The following ZNF518A variants were observed in gnomAD, a reference collection of about 807,000 sequenced individuals.
ZNF518A encodes the protein zinc finger protein 518A.
In ZNF518A, 47 loss-of-function variants were observed where a neutral mutation model predicts 102.7. That is an observed-to-expected ratio of 0.46 (90% confidence interval 0.36 to 0.58). The LOEUF is 0.58. ZNF518A is among the 20% of genes least tolerant of loss of function. The pLI, the probability that ZNF518A is intolerant of heterozygous loss-of-function variation, is 0.00. For missense variants in ZNF518A, 1,793 were observed against 1,699.8 expected (o/e 1.05, Z -0.96); for synonymous variants, 652 against 594.6 (o/e 1.10, Z -1.40).
chr10:96,195,417 C>CA (rs1554894459), intron 1 of ZNF518A, among the ~76,000 whole-genome samples: 1 of 152,156 alleles, frequency 6.6e-6, no homozygotes, highest in African/African-American at 2.4e-5. Context: ...CACAAATGTC[C>CA]ACTGATGGAT....
chr10:96,156,108 A>G (rs1554882159), intron 5 of ZNF518A, 61 bp downstream of exon 5: 2 of 340,254 alleles, frequency 5.9e-6, no homozygotes, highest in East Asian at 4.8e-5. Flanking sequence ...TTTTTGATTA[A>G]CATTCCTACT....
chr10:96,189,584 T>C, intron 1 of ZNF518A: 1 of 684,030 alleles, frequency 1.5e-6, no homozygotes, highest in Non-Finnish European at 2.7e-6. Flanking sequence ...CTTTTAATCT[T>C]GGTGTTGATG....
chr10:96,180,593 T>C (rs1404936141), intron 1 of ZNF518A, among the ~76,000 whole-genome samples: 1 of 148,514 alleles, frequency 6.7e-6, no homozygotes, highest in Non-Finnish European at 1.5e-5. Flanking sequence ...GAACATGCGG[T>C]GTTAGGTTTT....
chr10:96,192,181 A>G, intron 1 of ZNF518A: 32 of 1,554,298 alleles, frequency 2.1e-5, no homozygotes, highest in Non-Finnish European at 2.7e-5. Context: ...TTCTCAAGTT[A>G]GTAAAAGTTA....
At chr10:96,185,129 C>T (rs1376001106) in intron 1 of ZNF518A, among the ~76,000 whole-genome samples, 2 of 152,152 alleles carry the variant, frequency 1.3e-5, no homozygotes, top group South Asian at 2.1e-4. Context: ...ACGTAGTTCT[C>T]GTGCCATGGT....
At chr10:96,133,091 A>G (rs1227813403) in intron 2 of ZNF518A, among the ~76,000 whole-genome samples, 1 of 152,118 alleles carries the variant, frequency 6.6e-6, no homozygotes, top group African/African-American at 2.4e-5. Flanking sequence ...TCTAAGCAAA[A>G]AAAGTAATTT....
intron 3 of ZNF518A, among the ~76,000 whole-genome samples, chr10:96,137,743 G>C (rs587624297): frequency 6.6e-6 from 1 of 152,030 alleles, no homozygotes; most frequent in Non-Finnish European, 1.5e-5. Flanking sequence ...ATTCCCCCTG[G>C]TGATTTCATC....
chr10:96,167,619 C>T (rs1052196380), downstream of ZNF518A, among the ~76,000 whole-genome samples: 1 of 151,940 alleles, frequency 6.6e-6, no homozygotes. Context: ...TTAAAAGTTA[C>T]TAGAAAGGCT....
At chr10:96,135,254 A>G (rs2081540993) in intron 3 of ZNF518A, 1 of 152,234 alleles carries the variant, frequency 6.6e-6, no homozygotes, top group Admixed American at 6.5e-5. Flanking sequence ...TGGGAGATGG[A>G]TGGTGGTAGT....
intron 3 of ZNF518A, among the ~76,000 whole-genome samples, chr10:96,138,561 T>C (rs912779065): frequency 3.3e-5 from 5 of 152,252 alleles, no homozygotes; most frequent in Non-Finnish European, 7.3e-5. Context: ...TACAACACTC[T>C]GATTCTGCCT....
chr10:96,192,440 A>G (rs1438681995), intron 1 of ZNF518A, among the ~76,000 whole-genome samples: 1 of 152,210 alleles, frequency 6.6e-6, no homozygotes, highest in Non-Finnish European at 1.5e-5. Flanking sequence ...TACAAAACAT[A>G]GATCATCTCT....
At chr10:96,175,946 C>G in intron 1 of ZNF518A, among the ~76,000 whole-genome samples, 1 of 128,668 alleles carries the variant, frequency 7.8e-6, no homozygotes, top group Non-Finnish European at 1.6e-5. Context: ...TTTCTTTCCT[C>G]CTTCCTTTCT....
At position 96,200,047 on chromosome 10, in the gene ZNF518A, A is replaced by G; in HGVS notation, n.36-3527A>G. On this transcript the variant is annotated intron_variant and non_coding_transcript_variant, in intron 1 of 2. Coordinates refer to the ZNF518A transcript ENST00000442635. The surrounding 1 kb of genome is among the most constrained non-coding windows in gnomAD (Gnocchi z 4.3). ...AAATAAATAAAATAAAATAAAATAA[A>G]AATAATAAATAATAAAAATGATCAG... is the stretch of plus-strand genomic sequence containing the variant. 7.4e-7 allele frequency: 1 copy of G among 1,359,894 alleles called. No homozygotes were observed. Among genetic ancestry groups the G allele is most frequent in the East Asian group, 2.8e-5 (1 of 36,148 alleles). The allele number at this position is 1,359,894 out of a possible 1,614,324, so 84.2% of individuals were successfully genotyped here.
At chr10:96,152,330 A>G (rs949439985) in intron 3 of ZNF518A, among the ~76,000 whole-genome samples, 3 of 152,342 alleles carry the variant, frequency 2.0e-5, no homozygotes, top group African/African-American at 7.2e-5. Context: ...AAGTAAAACC[A>G]GCAATCTTTG....
At chr10:96,188,743 C>CCTAT (rs2083287548) in intron 1 of ZNF518A, among the ~76,000 whole-genome samples, 1 of 152,160 alleles carries the variant, frequency 6.6e-6, no homozygotes, top group South Asian at 2.1e-4. Flanking sequence ...TTCCCAAACC[C>CCTAT]CTATATACCT....
At position 96,159,003 on chromosome 10, in the gene ZNF518A, C is replaced by G. The variant is rs374947264; in HGVS notation, c.2681C>G (p.Ala894Gly). 6.2e-7 allele frequency: 1 copy of G among 1,613,516 alleles called. No homozygotes were observed. Among genetic ancestry groups the G allele is most frequent in the Non-Finnish European group, 8.5e-7 (1 of 1,179,694 alleles). ...ACATTACTTAAGACTCAGTCAGATGCGATAATAACACAGCAGCTTGTAAAA... is the reference window on the plus strand; with the variant it reads ...ACATTACTTAAGACTCAGTCAGATGGGATAATAACACAGCAGCTTGTAAAA... ...FGTLLKTQSD[A>G]IITQQLVKDK... The change falls in exon 6 of 6, where the codon GCG becomes GGG. Residue 894 changes from alanine to glycine, a missense_variant. Transcript: ENST00000316045.
At position 96,156,226 on chromosome 10, in the gene ZNF518A, T is replaced by C; in HGVS notation, c.-97T>C. On this transcript the variant is annotated 5_prime_UTR_variant, in exon 6 of 6. Transcript: ENST00000316045. ...GTTATTGTGGGAAAAATCCTGTATA[T>C]TGAAGATGTCTCTACACAGTATCGT... 8.5e-7 allele frequency: 1 copy of C among 1,174,942 alleles called. No individual in the cohort carries two copies. Among genetic ancestry groups the C allele is most frequent in the South Asian group, 2.2e-5 (1 of 45,252 alleles). 72.8% of individuals were successfully genotyped at this position (1,174,942 alleles called of 1,614,324 possible).
Position 96,156,978 on chromosome 10 carries a change from T to C in ZNF518A, c.656T>C (p.Val219Ala). Residue 219 changes from valine to alanine, a missense_variant, in exon 6 of 6, where the codon GTT (valine) becomes GCT (alanine). This residue lies in a region of ZNF518A where 1,741 missense variants were observed against 1,622.6 expected (regional missense o/e 1.07). Coordinates refer to ENST00000316045, the MANE Select transcript of ZNF518A (RefSeq NM_001330736.2). The stretch of plus-strand genomic sequence containing the variant: ...AAGTGTAAGTTCTCCACCCAGGATG[T>C]TGGCACATTTGTTCAGCACATTCAT... The part of the protein sequence containing the change: ...CEKCKFSTQD[V>A]GTFVQHIHRH... The C allele has an allele frequency of 6.2e-7, 1 of 1,613,930 alleles. No individual in the cohort carries two copies. Among genetic ancestry groups the C allele is most frequent in the Non-Finnish European group, 8.5e-7 (1 of 1,179,810 alleles).
chr10:96,193,287 G>A (rs1554893927), intron 1 of ZNF518A, among the ~76,000 whole-genome samples: 1 of 152,156 alleles, frequency 6.6e-6, no homozygotes, highest in African/African-American at 2.4e-5. Flanking sequence ...TAAACCAAAT[G>A]CAGTTGAAAG....
Sources: allele counts gnomAD v4.1 joint callset (sites outside exome capture counted in the v4.1 genomes callset), GRCh38; gene constraint gnomAD v4.1.1; regional missense constraint gnomAD v4.1.1; non-coding constraint Gnocchi (gnomAD v3.1); transcripts MANE v1.5; gene names NCBI Gene and HGNC (gene_info 2026-07-23, HGNC 2026-07-21).